The following ZNF879 variants were observed in gnomAD, a reference collection of about 807,000 sequenced individuals.
ZNF879 encodes the protein zinc finger protein 879.
In ZNF879, 32 loss-of-function variants were observed where a neutral mutation model predicts 44.3. The observed-to-expected ratio is 0.72, with a 90% confidence interval of 0.54 to 0.97. The LOEUF is 0.97. ZNF879 is among the 50% of genes least tolerant of loss of function. ZNF879 has a pLI of 0.00. For missense variants in ZNF879, 621 were observed against 669.7 expected (o/e 0.93, Z 0.80); for synonymous variants, 234 against 233.2 (o/e 1.00, Z -0.03).
rs774817194 is a variant in ZNF879, at chr5:179,032,549, C to T, written c.601C>T (p.Arg201Cys). The change falls in exon 5 of 5, where the codon CGT becomes TGT. Residue 201 changes from arginine (R) to cysteine (C), a missense_variant. Transcript: ENST00000444149. ...LFKQLGVNTV[R>C]KCYKCNICGK... ...TAAACAACTGGGGGTCAACACAGTG[C>T]GTAAATGTTATAAATGTAATATCTG... The T allele has an allele frequency of 2.9e-5, 45 of 1,551,660 alleles. No homozygotes were observed. The highest frequency in any genetic ancestry group is 2.5e-4 in the African/African-American group (18 of 73,034).
chr5:179,025,118 T>G, intron 2 of ZNF879, 81 bp downstream of exon 2: 4 of 1,485,250 alleles, frequency 2.7e-6, no homozygotes, highest in Non-Finnish European at 3.7e-6. Flanking sequence ...TGAGCTTCTC[T>G]ACCCAGTGAA....
Position 179,025,028 on chromosome 5 carries a change from C to T in ZNF879, c.24C>T (p.Ala8=). MARRLLP[A]HVQESVTFRD... ...AAATGGCAAGGAGGTTGCTGCCAGC[C>T]CATGTACAGGTGAGTGAAGGCTTCT... is the stretch of plus-strand genomic sequence containing the variant. The change falls in exon 2 of 5, where the codon GCC becomes GCT. Residue 8 remains alanine (A), a synonymous_variant. Coordinates refer to ENST00000444149, the MANE Select transcript of ZNF879 (RefSeq NM_001136116.3). 6.4e-7 allele frequency: 1 copy of T among 1,551,484 alleles called. No individual in the cohort carries two copies. Among genetic ancestry groups the T allele is most frequent in the Non-Finnish European group, 8.7e-7 (1 of 1,146,892 alleles).
intron 4 of ZNF879, among the ~76,000 whole-genome samples, chr5:179,028,518 A>G (rs560324513): frequency 2.0e-5 from 3 of 151,940 alleles, no homozygotes; most frequent in Non-Finnish European, 4.4e-5. Context: ...TCTTGGAACC[A>G]TCTTTTGCTT....
intron 3 of ZNF879, 92 bp from the exon 4 acceptor site, chr5:179,027,940 C>G (rs758219220): frequency 2.6e-6 from 3 of 1,132,434 alleles, no homozygotes; most frequent in Admixed American, 4.1e-5. Context: ...CAAACCTCCT[C>G]CTTCCCTGTA....
In ZNF879 at chr5:179,033,397, T is replaced by C. The variant is rs778156413; in HGVS notation, c.1449T>C (p.Pro483=). The C allele has an allele frequency of 1.9e-6, 3 of 1,557,492 alleles. No individual in the cohort carries two copies. The South Asian group carries it at 3.5e-5, about 18-fold the overall frequency. Residue 483 remains proline (P), a synonymous_variant, in exon 5 of 5, where the codon CCT becomes CCC. Transcript: ENST00000444149. Reference sequence around the variant, plus strand: ...GAAAAATTCATACTGGAGAAAAACCTTATAAATGTAATGACTGTGAGAAAG... The same window carrying C: ...GAAAAATTCATACTGGAGAAAAACCCTATAAATGTAATGACTGTGAGAAAG... ...THRKIHTGEK[P]YKCNDCEKAF...
chr5:179,035,048 C>CA lies in ZNF879; in HGVS notation c.*1424dup, dbSNP rs11396395. The CA allele has an allele frequency of 0.52, 70,203 of 134,174 alleles. 17,960 individuals are homozygous for CA. Among genetic ancestry groups the CA allele is most frequent in the East Asian group, 0.72 (3,331 of 4,616 alleles). 8.3% of individuals were successfully genotyped at this position (134,174 alleles called of 1,614,324 possible). A position where few individuals can be genotyped will look rare whatever the true frequency, so the allele number is the denominator to read the frequency against. ...TGAAACCACGTCTCCACTAAAAATA[C>CA]AAAAAAAAAAAAAAAATTAGCCGGC... On this transcript the variant is annotated 3_prime_UTR_variant, in exon 5 of 5. Transcript: ENST00000444149.
At chr5:179,027,837 C>T (rs577347372) in intron 3 of ZNF879, among the ~76,000 whole-genome samples, 195 bp from the exon 4 acceptor site, 7 of 152,136 alleles carry the variant, frequency 4.6e-5, no homozygotes, top group Non-Finnish European at 1.0e-4. Flanking sequence ...CAGGGTGTTC[C>T]TGCTGAGAGG....
At chr5:179,026,459 A>G (rs574733413) in intron 2 of ZNF879, among the ~76,000 whole-genome samples, 40 of 152,290 alleles carry the variant, frequency 2.6e-4, no homozygotes, top group Admixed American at 4.6e-4. Flanking sequence ...AGAATTTTCT[A>G]GTAAGCTTTT....
At chr5:179,030,779 T>TA (rs778686254) in intron 4 of ZNF879, among the ~76,000 whole-genome samples, 3 of 152,200 alleles carry the variant, frequency 2.0e-5, no homozygotes, top group Non-Finnish European at 2.9e-5. Flanking sequence ...CAAAAGGAAA[T>TA]ACATTTCTTT....
Position 179,032,596 on chromosome 5 carries a change from T to C in ZNF879, c.648T>C (p.Ser216=). 2 of 1,558,680 alleles carry C rather than the reference T, an allele frequency of 1.3e-6. No individual in the cohort carries two copies. Among genetic ancestry groups the C allele is most frequent in the Non-Finnish European group, 8.7e-7 (1 of 1,151,268 alleles). The change falls in exon 5 of 5, where the codon AGT becomes AGC. Residue 216 remains serine, a synonymous_variant. Transcript: ENST00000444149. ...CNICGKIFLH[S]SSLSKHQRIH... ...TCTGTGGGAAAATCTTCCTCCACAG[T>C]TCCTCCCTGAGTAAACACCAGAGAA...
In ZNF879 at chr5:179,027,829, G is replaced by C. The variant is rs192913098; in HGVS notation, c.161-203G>C. ...TGAGCTCTGTTCCCTGAGCCCCACA[G>C]GGTGTTCCTGCTGAGAGGAGTGCAC... On this transcript the variant is annotated intron_variant, in intron 3 of 4. Transcript: ENST00000444149. Among the ~76,000 whole-genome samples the C allele has an allele frequency of 1.8e-3, 272 of 152,230 alleles. 1 individual carries two copies. Among genetic ancestry groups the C allele is most frequent in the African/African-American group, 6.2e-3 (256 of 41,528 alleles).
chr5:179,033,646 AC>A lies in ZNF879; in HGVS notation c.*7del, dbSNP rs1561738753. 1 of 1,483,958 alleles carries A rather than the reference AC, an allele frequency of 6.7e-7. No individual in the cohort carries two copies. Among genetic ancestry groups the A allele is most frequent in the Admixed American group, 2.6e-5 (1 of 38,174 alleles). 91.9% of individuals were successfully genotyped at this position (1,483,958 alleles called of 1,614,324 possible). ...ATCAAAGGACTCATAATTGAGAAAA[AC>A]TGTATAAATGCATGTAGGAACTGAA... On this transcript the variant is annotated 3_prime_UTR_variant, in exon 5 of 5. Transcript: ENST00000444149.
Position 179,028,118 on chromosome 5 carries a change from G to A in ZNF879, c.247G>A (p.Ala83Thr), listed in dbSNP as rs374684898. 6.0e-5 allele frequency: 93 copies of A among 1,551,338 alleles called. 1 individual carries two copies. In the South Asian group the frequency reaches 9.8e-4, roughly 16 times the overall value. ...WMVESGVPQG[A>T]HLGWESLFGT... is the part of the protein sequence containing the mutation. ...GGTGGAGAGTGGAGTTCCCCAAGGC[G>A]CACATCTCGGTGAGTGACAGAGTAA... The change falls in exon 4 of 5, where the codon GCA (alanine) becomes ACA (threonine). Residue 83 changes from alanine to threonine, a missense_variant. Physicochemically the swap from Ala to Thr is moderately conservative, Grantham distance 58. Coordinates refer to ENST00000444149, the MANE Select transcript of ZNF879 (RefSeq NM_001136116.3).
chr5:179,033,450 A>G lies in ZNF879; in HGVS notation c.1502A>G (p.Gln501Arg). The change falls in exon 5 of 5, where the codon CAG becomes CGG. Residue 501 changes from glutamine to arginine, a missense_variant. Physicochemically the swap from Gln to Arg is conservative, Grantham distance 43. Coordinates refer to ENST00000444149, the MANE Select transcript of ZNF879 (RefSeq NM_001136116.3). ...TTCAACCAAAGCTCAGCTCTAATTCAGCACCAGAGAATTCATACTGGAGAG... is the reference window on the plus strand; with the variant it reads ...TTCAACCAAAGCTCAGCTCTAATTCGGCACCAGAGAATTCATACTGGAGAG... ...KAFNQSSALI[Q>R]HQRIHTGEKP... The G allele has an allele frequency of 6.4e-7, 1 of 1,565,170 alleles. No homozygotes were observed. Among genetic ancestry groups the G allele is most frequent in the Non-Finnish European group, 8.7e-7 (1 of 1,154,900 alleles).
rs568390250 is a variant in ZNF879, at chr5:179,029,366, C to G, written c.256+1239C>G. Reference sequence around the variant, plus strand: ...GCCTCTTTGCTTTGAAGATTCAGTCCTTCCTTTCATTTCAGGGATCTTTTG... The same window carrying G: ...GCCTCTTTGCTTTGAAGATTCAGTCGTTCCTTTCATTTCAGGGATCTTTTG... On this transcript the variant is annotated intron_variant, in intron 4 of 4. Coordinates refer to ENST00000444149, the MANE Select transcript of ZNF879 (RefSeq NM_001136116.3). Among the ~76,000 whole-genome samples, 8 of 152,010 alleles carry G rather than the reference C, an allele frequency of 5.3e-5. No homozygotes were observed. In the South Asian group the frequency reaches 1.7e-3, roughly 32 times the overall value.
In ZNF879 at chr5:179,027,459, G is replaced by C. The variant is rs761866094; in HGVS notation, c.34-14G>C. 1.2e-6 allele frequency: 2 copies of C among 1,613,580 alleles called. No homozygotes were observed. The stretch of plus-strand genomic sequence containing the variant: ...GACAGTCCTGGATGAACAGGAGTGG[G>C]TTTGCCATTCCAGGAGTCCGTGACG... On this transcript the variant is annotated splice_polypyrimidine_tract_variant and intron_variant, in intron 2 of 4. Transcript: ENST00000444149.
Position 179,025,049 on chromosome 5 carries a change from C to G in ZNF879, c.33+12C>G, listed in dbSNP as rs1355774469. ...CAGCCCATGTACAGGTGAGTGAAGGCTTCTTTTTGCTTGAACTGCCTTCAG... is the reference window on the plus strand; with the variant it reads ...CAGCCCATGTACAGGTGAGTGAAGGGTTCTTTTTGCTTGAACTGCCTTCAG... On this transcript the variant is annotated intron_variant, in intron 2 of 4. Coordinates refer to ENST00000444149, the MANE Select transcript of ZNF879 (RefSeq NM_001136116.3). 1 of 1,551,428 alleles carries G rather than the reference C, an allele frequency of 6.4e-7. No individual in the cohort carries two copies. The highest frequency in any genetic ancestry group is 8.7e-7 in the Non-Finnish European group (1 of 1,146,824).
chr5:179,031,562 C>G (rs538542629), intron 4 of ZNF879, among the ~76,000 whole-genome samples: 2 of 152,210 alleles, frequency 1.3e-5, no homozygotes, highest in Admixed American at 6.5e-5. Context: ...GTGCTTCGTT[C>G]GTGTTTTCTT....
chr5:179,027,394 A>C, intron 2 of ZNF879, 79 bp from the exon 3 acceptor site: 4 of 1,565,622 alleles, frequency 2.6e-6, no homozygotes, highest in Non-Finnish European at 3.5e-6. Flanking sequence ...TTAGAACCCT[A>C]AGTTGTGACA....
Sources: gnomAD v4.1 joint callset for allele counts (sites outside exome capture counted in the v4.1 genomes callset) on GRCh38, gnomAD v4.1.1 for gene constraint, MANE v1.5 for transcripts, NCBI Gene and HGNC (gene_info 2026-07-23, HGNC 2026-07-21) for gene names.